Variants in ADGRL3 observed in about 807,000 individuals in gnomAD.
ADGRL3 encodes the protein calcium-independent alpha-latrotoxin receptor 3.
A neutral mutation model predicts 153.5 loss-of-function variants in ADGRL3; 62 were observed. The ratio of observed to expected loss-of-function variants is 0.40; its 90% CI spans 0.33 to 0.50. The LOEUF (loss-of-function observed/expected upper bound fraction) is 0.50. Among genes scored for constraint, ADGRL3 ranks in the 20% least tolerant of loss-of-function variants. The pLI is 0.47. For missense variants in ADGRL3, 1,641 were observed against 1,859.4 expected (o/e 0.88, Z 2.16); for synonymous variants, 710 against 672.5 (o/e 1.06, Z -0.86).
intron 9 of ADGRL3, 52 bp from the exon 10 acceptor site, chr4:61,892,604 G>A (rs1194133454): frequency 5.4e-6 from 7 of 1,298,310 alleles, no homozygotes; most frequent in Non-Finnish European, 7.8e-6. Context: ...GACATCTTGA[G>A]GTCCTCCTGT....
chr4:61,936,130 A>C (rs2098837298), intron 15 of ADGRL3, 85 bp downstream of exon 15: 1 of 1,468,782 alleles, frequency 6.8e-7, no homozygotes. Flanking sequence ...TAGGTCCACT[A>C]TTTAGGAGCT....
chr4:61,970,216 A>G (rs2099021981), intron 17 of ADGRL3, among the ~76,000 whole-genome samples: 1 of 152,186 alleles, frequency 6.6e-6, no homozygotes. Context: ...TTCTAATAGA[A>G]TCAGACATTT....
At chr4:62,061,843 ATTGT>A (rs1285106287) in intron 25 of ADGRL3, among the ~76,000 whole-genome samples, 1 of 151,972 alleles carries the variant, frequency 6.6e-6, no homozygotes, top group African/African-American at 2.4e-5. Context: ...AATACTACAG[ATTGT>A]TTGACCACTC....
chr4:61,201,674 C>T lies in ADGRL3; in HGVS notation c.-331C>T, dbSNP rs867918910. 3 of 152,392 alleles carry T rather than the reference C, an allele frequency of 2.0e-5. No homozygotes were observed. The East Asian group carries it at 5.8e-4, about 29-fold the overall frequency. 9.4% of individuals were successfully genotyped at this position (152,392 alleles called of 1,614,324 possible). ...CACAGGGGCCGGCCGGTCTTTTGCC[C>T]CGGGCTCAATGGCTGGATTGTGGAA... On this transcript the variant is annotated 5_prime_UTR_variant, in exon 1 of 27. Coordinates refer to ENST00000683033, the MANE Select transcript of ADGRL3 (RefSeq NM_001387552.1).
At chr4:61,976,985 C>T (rs1013258401) in intron 17 of ADGRL3, among the ~76,000 whole-genome samples, 1 of 152,086 alleles carries the variant, frequency 6.6e-6, no homozygotes, top group Non-Finnish European at 1.5e-5. Context: ...TGTTTTCCTG[C>T]TAAACAGTCA....
At chr4:61,515,219 G>C (rs758423481) in intron 3 of ADGRL3, among the ~76,000 whole-genome samples, 1 of 152,020 alleles carries the variant, frequency 6.6e-6, no homozygotes. Flanking sequence ...AACACACCAA[G>C]GGATTTTAGC....
chr4:61,330,798 T>G (rs1482781823), intron 1 of ADGRL3, among the ~76,000 whole-genome samples: 1 of 152,110 alleles, frequency 6.6e-6, no homozygotes, highest in Non-Finnish European at 1.5e-5. Flanking sequence ...TCCCCACCCA[T>G]GGTCTGCTGA....
At chr4:61,370,005 G>A (rs879800362) in intron 1 of ADGRL3, among the ~76,000 whole-genome samples, 1 of 151,984 alleles carries the variant, frequency 6.6e-6, no homozygotes, top group Non-Finnish European at 1.5e-5. Flanking sequence ...AGATTTTCTA[G>A]TTTATTTGCA....
chr4:62,073,490 C>CACA lies in ADGRL3; in HGVS notation c.*2584_*2586dup, dbSNP rs1032698569. 6.6e-6 allele frequency: 1 copy of CACA among 152,120 alleles called. No individual in the cohort carries two copies. Among genetic ancestry groups the CACA allele is most frequent in the Admixed American group, 6.6e-5 (1 of 15,266 alleles). The allele number at this position is 152,120 out of a possible 1,614,324, so 9.4% of individuals were successfully genotyped here. On this transcript the variant is annotated 3_prime_UTR_variant, in exon 27 of 27. Coordinates refer to ENST00000683033, the MANE Select transcript of ADGRL3 (RefSeq NM_001387552.1). ...GATGTGTTTATGGTAACTTCAGAAA[C>CACA]ACAAATGTGGTCTGTGGATTATGAG... is the stretch of plus-strand genomic sequence containing the variant.
At chr4:61,309,724 T>C (rs1429193712) in intron 1 of ADGRL3, among the ~76,000 whole-genome samples, 1 of 152,038 alleles carries the variant, frequency 6.6e-6, no homozygotes, top group African/African-American at 2.4e-5. Flanking sequence ...TCACTACCAC[T>C]GCCTTCCACC....
intron 2 of ADGRL3, among the ~76,000 whole-genome samples, chr4:61,476,497 G>C (rs1170058457): frequency 1.3e-5 from 2 of 151,874 alleles, no homozygotes; most frequent in East Asian, 3.9e-4. Context: ...CCTGAAGTTG[G>C]GAGTTCGAGA....
chr4:61,586,397 G>C (rs1472562462), intron 4 of ADGRL3, among the ~76,000 whole-genome samples: 1 of 151,986 alleles, frequency 6.6e-6, no homozygotes, highest in Non-Finnish European at 1.5e-5. Context: ...ATATTTATGA[G>C]ATGTAGCCAT....
intron 1 of ADGRL3, among the ~76,000 whole-genome samples, chr4:61,374,409 GCA>G (rs2096579090): frequency 6.6e-6 from 1 of 152,062 alleles, no homozygotes; most frequent in Non-Finnish European, 1.5e-5. Context: ...GAATTTTAGT[GCA>G]GTGTGCCTTT....
In ADGRL3 at chr4:61,927,188, G is replaced by A. The variant is rs570487819; in HGVS notation, c.2113-7652G>A. 1.4e-4 allele frequency among the ~76,000 whole-genome samples: 22 copies of A among 152,262 alleles called. No individual in the cohort carries two copies. The East Asian group carries it at 2.5e-3, about 17-fold the overall frequency. The stretch of plus-strand genomic sequence containing the variant: ...TTGACTGCCACATTGAAGATGCTCA[G>A]TTAATATTTGTTGAATGAATATTAG... On this transcript the variant is annotated intron_variant, in intron 13 of 26. Coordinates refer to ENST00000683033, the MANE Select transcript of ADGRL3 (RefSeq NM_001387552.1).
At chr4:61,365,936 A>C (rs572447594) in intron 1 of ADGRL3, among the ~76,000 whole-genome samples, 1 of 152,318 alleles carries the variant, frequency 6.6e-6, no homozygotes, top group East Asian at 1.9e-4. Flanking sequence ...GGGGTTTAGA[A>C]AAGCTATAAT....
intron 1 of ADGRL3, among the ~76,000 whole-genome samples, chr4:61,215,916 T>C (rs184871045): frequency 6.6e-6 from 1 of 152,262 alleles, no homozygotes; most frequent in African/African-American, 2.4e-5. Flanking sequence ...GTTATCACTC[T>C]CTTAACTTGT....
At chr4:61,880,903 T>G (rs1311312268) in intron 9 of ADGRL3, among the ~76,000 whole-genome samples, 1 of 152,180 alleles carries the variant, frequency 6.6e-6, no homozygotes, top group Admixed American at 6.5e-5. Context: ...GATAGTCACA[T>G]TGAAGAGTCA....
intron 25 of ADGRL3, among the ~76,000 whole-genome samples, chr4:62,067,832 T>A (rs1158015523): frequency 6.6e-6 from 1 of 152,050 alleles, no homozygotes; most frequent in African/African-American, 2.4e-5. Context: ...GTGAAAATAG[T>A]CATGGTCTGC....
intron 24 of ADGRL3, among the ~76,000 whole-genome samples, chr4:62,039,305 AAC>A (rs1726876715): frequency 6.6e-6 from 1 of 152,196 alleles, no homozygotes; most frequent in Admixed American, 6.5e-5. Flanking sequence ...CTAGCACTTG[AAC>A]ACAGTTATAA....
Sources: gnomAD v4.1 joint callset for allele counts (sites outside exome capture counted in the v4.1 genomes callset) on GRCh38, gnomAD v4.1.1 for gene constraint, MANE v1.5 for transcripts, NCBI Gene and HGNC (gene_info 2026-07-23, HGNC 2026-07-21) for gene names.